SLC60A1: variants seen among roughly 807,000 people sequenced by gnomAD.
SLC60A1 encodes the protein solute carrier family 60 member 1, also known as major facilitator superfamily domain containing 4.
chr1:205,574,022 G>A, the SLC60A1 span, among the ~76,000 whole-genome samples: 1 of 152,062 alleles, frequency 6.6e-6, no homozygotes, highest in African/African-American at 2.4e-5. Flanking sequence ...TTTTTGGGGT[G>A]ACAGAAATGC....
At chr1:205,592,001 G>C in the SLC60A1 span, 1 of 1,182,964 alleles carries the variant, frequency 8.5e-7, no homozygotes. Context: ...GGTCCACGGG[G>C]TGGCGCGCGG....
the SLC60A1 span, among the ~76,000 whole-genome samples, chr1:205,574,287 A>G: frequency 1.3e-5 from 2 of 151,872 alleles, no homozygotes; most frequent in African/African-American, 2.4e-5. Context: ...TCTCAAAAAA[A>G]ATTTTAAATT....
At chr1:205,593,739 A>G in the SLC60A1 span, among the ~76,000 whole-genome samples, 1 of 152,146 alleles carries the variant, frequency 6.6e-6, no homozygotes, top group Non-Finnish European at 1.5e-5. Flanking sequence ...ACCTCAAACA[A>G]TAGAAGCACA....
At chr1:205,578,930 G>T in the SLC60A1 span, among the ~76,000 whole-genome samples, 5 of 152,214 alleles carry the variant, frequency 3.3e-5, no homozygotes, top group Non-Finnish European at 5.9e-5. Context: ...TTCTCTGAGA[G>T]TCTGGTTATT....
At chr1:205,595,432 C>A in the SLC60A1 span, among the ~76,000 whole-genome samples, 1 of 152,228 alleles carries the variant, frequency 6.6e-6, no homozygotes, top group Non-Finnish European at 1.5e-5. Flanking sequence ...CTGATCCCCA[C>A]TGGAAAGGTG....
chr1:205,590,640 G>T, the SLC60A1 span, among the ~76,000 whole-genome samples: 1 of 152,204 alleles, frequency 6.6e-6, no homozygotes, highest in Non-Finnish European at 1.5e-5. Flanking sequence ...CCCAGGATCG[G>T]CTCCCAACCC....
At chr1:205,580,697 A>C in the SLC60A1 span, 1 of 1,603,680 alleles carries the variant, frequency 6.2e-7, no homozygotes, top group Non-Finnish European at 8.5e-7. This position sits in a 1 kb window ranked among gnomAD's most constrained non-coding sequence, Gnocchi z 5.0. Context: ...TGCTCTGCTG[A>C]GCCCCCTTAT....
the SLC60A1 span, chr1:205,569,287 T>C: frequency 1.3e-6 from 2 of 1,538,494 alleles, no homozygotes; most frequent in Non-Finnish European, 1.7e-6. Flanking sequence ...CTCGGGGGCG[T>C]CTTCAAAAGG....
At chr1:205,581,790 C>G in the SLC60A1 span, among the ~76,000 whole-genome samples, 1 of 152,184 alleles carries the variant, frequency 6.6e-6, no homozygotes, top group Non-Finnish European at 1.5e-5. The surrounding 1 kb of genome is among the most constrained non-coding windows in gnomAD (Gnocchi z 4.2). Flanking sequence ...GACTCAGGCA[C>G]TAGAGCAGCT....
the SLC60A1 span, chr1:205,600,045 C>T: frequency 5.5e-6 from 1 of 181,734 alleles, no homozygotes; most frequent in Middle Eastern, 2.3e-3. Flanking sequence ...GGAAAGGTGG[C>T]CCCCAAAACA....
the SLC60A1 span, chr1:205,569,058 T>G: frequency 1.4e-6 from 2 of 1,429,196 alleles, no homozygotes; most frequent in Non-Finnish European, 1.8e-6. Context: ...CGCGAGCCCG[T>G]CAGCCTGCGC....
At chr1:205,594,410 C>T in the SLC60A1 span, among the ~76,000 whole-genome samples, 1 of 152,190 alleles carries the variant, frequency 6.6e-6, no homozygotes, top group African/African-American at 2.4e-5. Context: ...AATCCCAGCA[C>T]TTTGGGAGGC....
chr1:205,579,800 C>G, the SLC60A1 span: 1 of 1,614,216 alleles, frequency 6.2e-7, no homozygotes, highest in Non-Finnish European at 8.5e-7. Context: ...GGCCATCTCC[C>G]TGGTGTTTGC....
chr1:205,596,300 G>A, the SLC60A1 span, among the ~76,000 whole-genome samples: 1 of 152,094 alleles, frequency 6.6e-6, no homozygotes, highest in Non-Finnish European at 1.5e-5. Context: ...AGCAGGTGCA[G>A]AGTGATATCA....
At chr1:205,595,346 TCCATCTCGC>T in the SLC60A1 span, among the ~76,000 whole-genome samples, 1 of 152,176 alleles carries the variant, frequency 6.6e-6, no homozygotes, top group Non-Finnish European at 1.5e-5. Context: ...TCCTCCCTGC[TCCATCTCGC>T]CCCTTTATCT....
chr1:205,589,543 A>C, the SLC60A1 span, among the ~76,000 whole-genome samples: 1 of 152,170 alleles, frequency 6.6e-6, no homozygotes, highest in Non-Finnish European at 1.5e-5. Flanking sequence ...CTATGAAGTA[A>C]ACGACACTTA....
chr1:205,573,132 C>T, the SLC60A1 span, among the ~76,000 whole-genome samples: 17 of 152,168 alleles, frequency 1.1e-4, no homozygotes, highest in South Asian at 4.2e-4. Context: ...GTATATTGGC[C>T]GGGCACATTG....
the SLC60A1 span, among the ~76,000 whole-genome samples, chr1:205,573,791 G>A: frequency 6.6e-6 from 1 of 152,052 alleles, no homozygotes. Flanking sequence ...CTGCCTCCCG[G>A]GTTCAAGCAA....
the SLC60A1 span, among the ~76,000 whole-genome samples, chr1:205,593,740 T>C: frequency 3.9e-4 from 60 of 152,262 alleles, no homozygotes; most frequent in African/African-American, 1.4e-3. Flanking sequence ...CCTCAAACAA[T>C]AGAAGCACAG....
Sources: allele counts gnomAD v4.1 joint callset (sites outside exome capture counted in the v4.1 genomes callset), GRCh38; gene constraint gnomAD v4.1.1; non-coding constraint Gnocchi (gnomAD v3.1); transcripts MANE v1.5; gene names NCBI Gene and HGNC (gene_info 2026-07-23, HGNC 2026-07-21).